RUNX1: variants seen among roughly 807,000 people sequenced by gnomAD.
RUNX1 encodes runt-related transcription factor 1.
A neutral mutation model predicts 42.8 loss-of-function variants in RUNX1; 19 were observed. That is an observed-to-expected ratio of 0.44 (90% CI 0.31 to 0.65). The LOEUF is 0.65. Among genes scored for constraint, RUNX1 ranks in the 30% least tolerant of loss-of-function variants. The probability of loss-of-function intolerance (pLI) is 0.07; values close to 1 mark genes in which losing one functional copy is unlikely to be tolerated. For synonymous variants in RUNX1, 271 were observed against 289.4 expected (o/e 0.94, Z 0.64); for missense variants, 528 against 672.0 (o/e 0.79, Z 2.37).
chr21:34,928,402 C>G (rs2058412491), intron 2 of RUNX1, among the ~76,000 whole-genome samples: 1 of 152,046 alleles, frequency 6.6e-6, no homozygotes. Flanking sequence ...CTATAAGGGC[C>G]AAGTTACGAG....
chr21:34,957,124 G>T (rs748266283), intron 2 of RUNX1, among the ~76,000 whole-genome samples: 1 of 152,186 alleles, frequency 6.6e-6, no homozygotes, highest in African/African-American at 2.4e-5. Flanking sequence ...CTCACCTGAC[G>T]CATGGCCAGG....
chr21:35,041,730 T>C (rs28665366), intron 2 of RUNX1, among the ~76,000 whole-genome samples: 24,641 of 149,502 alleles, frequency 0.16, 2,361 homozygotes, highest in African/African-American at 0.27. Flanking sequence ...GCTGAGGAAA[T>C]AGACAGGGCC....
chr21:34,938,622 T>A (rs1353187082), intron 2 of RUNX1, among the ~76,000 whole-genome samples: 1 of 152,126 alleles, frequency 6.6e-6, no homozygotes, highest in Non-Finnish European at 1.5e-5. Flanking sequence ...TATGTGGAGA[T>A]CTTCCTGACC....
At chr21:34,812,721 T>A (rs2056773741) in intron 7 of RUNX1, among the ~76,000 whole-genome samples, 1 of 152,102 alleles carries the variant, frequency 6.6e-6, no homozygotes, top group South Asian at 2.1e-4. Context: ...ATAGATGAGG[T>A]CACCCTGAGA....
At chr21:34,819,636 C>T (rs1056951082) in intron 7 of RUNX1, among the ~76,000 whole-genome samples, 1 of 152,256 alleles carries the variant, frequency 6.6e-6, no homozygotes, top group Non-Finnish European at 1.5e-5. Context: ...GTGGCCGTCA[C>T]AGGGATGCCT....
At chr21:35,011,606 C>T (rs912196456) in intron 2 of RUNX1, among the ~76,000 whole-genome samples, 9 of 152,192 alleles carry the variant, frequency 5.9e-5, no homozygotes, top group South Asian at 2.1e-4. Flanking sequence ...GGGGTTTCAG[C>T]GCCCTCCATG....
intron 2 of RUNX1, among the ~76,000 whole-genome samples, chr21:35,047,351 C>A (rs1006957969): frequency 6.6e-6 from 1 of 151,976 alleles, no homozygotes; most frequent in Non-Finnish European, 1.5e-5. Context: ...AACCAAACGA[C>A]GCTGCAAGAC....
chr21:34,851,874 A>G (rs1311396897), intron 6 of RUNX1, among the ~76,000 whole-genome samples: 1 of 152,084 alleles, frequency 6.6e-6, no homozygotes, highest in Non-Finnish European at 1.5e-5. Context: ...ATCTTAGAAA[A>G]TCTCAGTGGT....
intron 2 of RUNX1, among the ~76,000 whole-genome samples, chr21:34,960,336 G>C (rs1223205925): frequency 6.6e-6 from 1 of 152,182 alleles, no homozygotes; most frequent in Admixed American, 6.5e-5. Flanking sequence ...GAGCATCCCA[G>C]GCTTGGTCCC....
chr21:34,938,522 T>G (rs2146622695), intron 2 of RUNX1, among the ~76,000 whole-genome samples: 1 of 152,020 alleles, frequency 6.6e-6, no homozygotes, highest in East Asian at 1.9e-4. Flanking sequence ...CTCTTACACC[T>G]CCTCCTTCTC....
chr21:35,014,790 CTT>C (rs1293742155), intron 2 of RUNX1, among the ~76,000 whole-genome samples: 1 of 152,260 alleles, frequency 6.6e-6, no homozygotes, highest in African/African-American at 2.4e-5. Context: ...GCCGTTTACT[CTT>C]GTGTGCCATG....
intron 6 of RUNX1, 81 bp downstream of exon 6, chr21:34,859,393 C>A: frequency 8.8e-7 from 1 of 1,140,372 alleles, no homozygotes; most frequent in East Asian, 2.3e-5. Flanking sequence ...CCCAAGGAAT[C>A]TGAGACATGG....
At chr21:35,041,635 CTTTCTTTCTTCTT>C (rs1340505693) in intron 2 of RUNX1, among the ~76,000 whole-genome samples, 3 of 149,976 alleles carry the variant, frequency 2.0e-5, no homozygotes, top group Non-Finnish European at 4.4e-5. Flanking sequence ...TTCATTCATC[CTTTCTTTCTTCTT>C]TTTCTTTCTT....
At chr21:34,875,609 A>ACTGCCAGTTTATACCATGAACATT in intron 5 of RUNX1, among the ~76,000 whole-genome samples, 1 of 152,188 alleles carries the variant, frequency 6.6e-6, no homozygotes, top group Non-Finnish European at 1.5e-5. Context: ...TTACCCGTGA[A>ACTGCCAGTTTATACCATGAACATT]ACAACTCTGG....
At chr21:35,035,758 C>T (rs765789715) in intron 2 of RUNX1, among the ~76,000 whole-genome samples, 10 of 152,312 alleles carry the variant, frequency 6.6e-5, no homozygotes, top group African/African-American at 1.2e-4. Context: ...TCGTTTGACG[C>T]GGACTCCAGA....
chr21:34,831,866 C>G (rs1334499070), intron 7 of RUNX1, among the ~76,000 whole-genome samples: 2 of 152,116 alleles, frequency 1.3e-5, no homozygotes, highest in Admixed American at 1.3e-4. Flanking sequence ...AGGGTCTACT[C>G]AAAACATGAT....
At chr21:34,865,370 CTTCAAG>C (rs2057646098) in intron 5 of RUNX1, among the ~76,000 whole-genome samples, 1 of 149,826 alleles carries the variant, frequency 6.7e-6, no homozygotes, top group Non-Finnish European at 1.5e-5. Context: ...GCAACTTGAA[CTTCAAG>C]TTCAAGTTCA....
rs1266630966 is a variant in RUNX1, at chr21:35,019,697, C to A, written c.58+29145G>T. Reference sequence around the variant, plus strand: ...AGCTGAATAAGACCTATGCAAACAACCTTCCAGGGAAGGGATCGACAACCA... The same window carrying A: ...AGCTGAATAAGACCTATGCAAACAAACTTCCAGGGAAGGGATCGACAACCA... On this transcript the variant is annotated intron_variant, in intron 2 of 8. Coordinates refer to ENST00000675419, the MANE Select transcript of RUNX1 (RefSeq NM_001754.5). 5.3e-5 allele frequency among the ~76,000 whole-genome samples: 8 copies of A among 152,178 alleles called. No individual in the cohort carries two copies. The East Asian group carries it at 1.5e-3, about 29-fold the overall frequency.
intron 2 of RUNX1, among the ~76,000 whole-genome samples, chr21:34,996,277 C>G (rs992398127): frequency 5.3e-5 from 8 of 151,784 alleles, no homozygotes; most frequent in African/African-American, 1.9e-4. Flanking sequence ...GGTGTGATAA[C>G]TCTGCCTAAG....
Sources: allele counts gnomAD v4.1 joint callset (sites outside exome capture counted in the v4.1 genomes callset), GRCh38; gene constraint gnomAD v4.1.1; transcripts MANE v1.5; gene names NCBI Gene and HGNC (gene_info 2026-07-23, HGNC 2026-07-21).